ARHGAP29: variants seen among roughly 807,000 people sequenced by gnomAD.
ARHGAP29 encodes Rho GTPase activating protein 29.
In ARHGAP29, 43 loss-of-function variants were observed where a neutral mutation model predicts 122.6. The ratio of observed to expected loss-of-function variants is 0.35; its 90% CI spans 0.27 to 0.45. The LOEUF (loss-of-function observed/expected upper bound fraction) is 0.45. Among genes scored for constraint, ARHGAP29 ranks in the 20% least tolerant of loss-of-function variants. ARHGAP29 has a pLI of 1.00. For synonymous variants in ARHGAP29, 506 were observed against 497.1 expected (o/e 1.02, Z -0.24); for missense variants, 1,303 against 1,477.2 (o/e 0.88, Z 1.93).
the ARHGAP29 span, among the ~76,000 whole-genome samples, chr1:94,281,408 G>A: frequency 6.6e-6 from 1 of 152,162 alleles, no homozygotes; most frequent in African/African-American, 2.4e-5. Context: ...CACAAGGCAG[G>A]AGGTGTGCTA....
chr1:94,196,256 CTTTTTTTT>C (rs917635883), intron 12 of ARHGAP29, among the ~76,000 whole-genome samples: 4 of 91,150 alleles, frequency 4.4e-5, no homozygotes, highest in African/African-American at 1.8e-4. Flanking sequence ...CCGTGTTTTT[CTTTTTTTT>C]TTTTTTTTTT....
At chr1:94,194,265 T>A (rs772794128) in intron 12 of ARHGAP29, 1 of 152,234 alleles carries the variant, frequency 6.6e-6, no homozygotes, top group African/African-American at 2.4e-5. Context: ...TCACAGTTCA[T>A]TACTACACTT....
In ARHGAP29 at chr1:94,208,692, T is replaced by C. The variant is rs1651374659; in HGVS notation, c.510+140A>G. ...CCAGGCTGGTCTCAAACTCCTGACTTCAGACAATCCGCCCACCTCGGCCTC... is the reference window on the plus strand; with the variant it reads ...CCAGGCTGGTCTCAAACTCCTGACTCCAGACAATCCGCCCACCTCGGCCTC... On this transcript the variant is annotated intron_variant, in intron 5 of 22. Coordinates refer to ENST00000260526, the MANE Select transcript of ARHGAP29 (RefSeq NM_004815.4). The C allele has an allele frequency of 4.4e-6, 3 of 680,798 alleles. No homozygotes were observed. In the African/African-American group the frequency reaches 5.5e-5, roughly 12 times the overall value. 42.2% of individuals were successfully genotyped at this position (680,798 alleles called of 1,614,324 possible).
At chr1:94,178,711 G>C (rs902034165) in intron 20 of ARHGAP29, among the ~76,000 whole-genome samples, 8 of 152,168 alleles carry the variant, frequency 5.3e-5, no homozygotes, top group African/African-American at 1.9e-4. Flanking sequence ...AGGCAAATCT[G>C]AGCCTGTCAA....
chr1:94,237,333 A>G, intron 1 of ARHGAP29, 82 bp downstream of exon 1: 1 of 942,212 alleles, frequency 1.1e-6, no homozygotes, highest in Non-Finnish European at 1.3e-6. Context: ...CTGGACGGCA[A>G]TTCGCGGGCG....
chr1:94,255,748 G>A (rs1047522087), intron 1 of ARHGAP29, among the ~76,000 whole-genome samples: 3 of 152,192 alleles, frequency 2.0e-5, no homozygotes, highest in Admixed American at 6.5e-5. Flanking sequence ...AATTTTCAGT[G>A]GGAGGAGATT....
chr1:94,264,428 G>A (rs555596411), intron 1 of ARHGAP29, among the ~76,000 whole-genome samples: 1 of 152,090 alleles, frequency 6.6e-6, no homozygotes, highest in Non-Finnish European at 1.5e-5. Flanking sequence ...TAATCAGTAG[G>A]GGTCTGGAAA....
At chr1:94,215,104 GAA>G (rs199693229) in intron 3 of ARHGAP29, among the ~76,000 whole-genome samples, 2 of 83,658 alleles carry the variant, frequency 2.4e-5, no homozygotes, top group African/African-American at 3.7e-5. Context: ...GCATGAAAAG[GAA>G]AAAAAAAAAA....
At chr1:94,267,331 A>G (rs1654810323) in intron 1 of ARHGAP29, among the ~76,000 whole-genome samples, 1 of 152,190 alleles carries the variant, frequency 6.6e-6, no homozygotes, top group Non-Finnish European at 1.5e-5. Context: ...ACAGTGTCAC[A>G]AGTCTTGCAT....
In ARHGAP29 at chr1:94,170,474, G is replaced by C. The variant is rs995978485; in HGVS notation, c.*3395C>G. 6.6e-6 allele frequency among the ~76,000 whole-genome samples: 1 copy of C among 152,146 alleles called. No homozygotes were observed. Among genetic ancestry groups the C allele is most frequent in the African/African-American group, 2.4e-5 (1 of 41,432 alleles). ...GATAGGGCAACTAAATGCACTATGT[G>C]GTCCTGGATTGGGATGCTGAAACAC... On this transcript the variant is annotated 3_prime_UTR_variant, in exon 23 of 23. Coordinates refer to ENST00000260526, the MANE Select transcript of ARHGAP29 (RefSeq NM_004815.4).
chr1:94,175,941 G>A (rs1649064856), intron 22 of ARHGAP29, among the ~76,000 whole-genome samples: 1 of 152,098 alleles, frequency 6.6e-6, no homozygotes, highest in Non-Finnish European at 1.5e-5. Context: ...CTGGCTTCAA[G>A]ATCCGCACAC....
intron 1 of ARHGAP29, among the ~76,000 whole-genome samples, chr1:94,267,903 C>G (rs1043225328): frequency 1.3e-5 from 2 of 152,174 alleles, no homozygotes; most frequent in Non-Finnish European, 2.9e-5. Flanking sequence ...CCAGTCTTCA[C>G]TATATAATAA....
the ARHGAP29 span, among the ~76,000 whole-genome samples, chr1:94,307,371 AC>A: frequency 1.3e-5 from 2 of 152,242 alleles, no homozygotes. Context: ...TAAATATGTA[AC>A]TTTGAATAAT....
In ARHGAP29 at chr1:94,205,045, T is replaced by C. The variant is rs758000901; in HGVS notation, c.697+16A>G. Reference sequence around the variant, plus strand: ...ATTATTATACTCTAAATCAGATGCTTTAAAAGGCAACTCACCCAAGTTAAG... The same window carrying C: ...ATTATTATACTCTAAATCAGATGCTCTAAAAGGCAACTCACCCAAGTTAAG... On this transcript the variant is annotated intron_variant, in intron 7 of 22. Transcript: ENST00000260526. The C allele has an allele frequency of 2.6e-6, 4 of 1,555,008 alleles. No homozygotes were observed. The highest frequency in any genetic ancestry group is 3.5e-6 in the Non-Finnish European group (4 of 1,158,048).
rs1208696019 is a variant in ARHGAP29, at chr1:94,174,766, T to C, written c.2906-17A>G. On this transcript the variant is annotated splice_polypyrimidine_tract_variant and intron_variant, in intron 22 of 22. Transcript: ENST00000260526. ...GTGCTTTGTCTGAAAATGAAAGAAATCTATTTAAGTTTGTGGCACATGGTT... is the reference window on the plus strand; with the variant it reads ...GTGCTTTGTCTGAAAATGAAAGAAACCTATTTAAGTTTGTGGCACATGGTT... 1.9e-6 allele frequency: 3 copies of C among 1,606,746 alleles called. No homozygotes were observed. The Admixed American group carries it at 5.1e-5, about 27-fold the overall frequency.
intron 1 of ARHGAP29, among the ~76,000 whole-genome samples, chr1:94,245,887 A>G (rs1653777103): frequency 6.6e-6 from 1 of 152,228 alleles, no homozygotes; most frequent in Admixed American, 6.5e-5. Flanking sequence ...GACCAAGAGC[A>G]GTGGCTATAA....
chr1:94,231,140 C>T (rs1218299999), intron 2 of ARHGAP29, among the ~76,000 whole-genome samples: 4 of 151,994 alleles, frequency 2.6e-5, no homozygotes, highest in Admixed American at 6.6e-5. Context: ...AATTTTCCTA[C>T]GTCAAATGGA....
intron 1 of ARHGAP29, among the ~76,000 whole-genome samples, chr1:94,251,897 T>A (rs1215576226): frequency 6.6e-6 from 1 of 152,214 alleles, no homozygotes; most frequent in Non-Finnish European, 1.5e-5. Context: ...ATTGGTTTAT[T>A]TACAGATTTT....
chr1:94,216,678 T>C (rs1651971377), intron 3 of ARHGAP29, among the ~76,000 whole-genome samples: 1 of 152,220 alleles, frequency 6.6e-6, no homozygotes, highest in Admixed American at 6.5e-5. Flanking sequence ...TGTTTACCAA[T>C]TTTTAAATAT....
Sources: allele counts gnomAD v4.1 joint callset (sites outside exome capture counted in the v4.1 genomes callset), GRCh38; gene constraint gnomAD v4.1.1; transcripts MANE v1.5; gene names NCBI Gene and HGNC (gene_info 2026-07-23, HGNC 2026-07-21).